The following ABCB1 variants were observed in gnomAD, a reference collection of about 807,000 sequenced individuals.
ABCB1 encodes the protein ATP-dependent translocase ABCB1.
A neutral mutation model predicts 142.0 loss-of-function variants in ABCB1; 69 were observed. The ratio of observed to expected loss-of-function variants is 0.49; its 90% CI spans 0.40 to 0.59. The LOEUF is 0.59. Ranked by LOEUF, ABCB1 falls within the 20% of genes least tolerant of loss-of-function variation. The pLI is 0.00. For missense variants in ABCB1, 1,326 were observed against 1,554.7 expected (o/e 0.85, Z 2.47); for synonymous variants, 532 against 539.2 (o/e 0.99, Z 0.18).
intron 3 of ABCB1, among the ~76,000 whole-genome samples, chr7:87,585,989 G>GTATT (rs1475771275): frequency 1.3e-5 from 2 of 152,150 alleles, no homozygotes; most frequent in African/African-American, 4.8e-5. Flanking sequence ...ATATAATATG[G>GTATT]TATTTGTTGC....
intron 1 of ABCB1, among the ~76,000 whole-genome samples, chr7:87,708,590 T>G (rs974039036): frequency 3.3e-5 from 5 of 152,172 alleles, no homozygotes; most frequent in African/African-American, 1.2e-4. Context: ...ATAAGAGTTG[T>G]CTGTCAGATA....
At chr7:87,696,989 T>A (rs931690229) in intron 1 of ABCB1, among the ~76,000 whole-genome samples, 1 of 152,224 alleles carries the variant, frequency 6.6e-6, no homozygotes, top group African/African-American at 2.4e-5. Context: ...CAGGGCTTTT[T>A]AAATACTCTT....
intron 1 of ABCB1, among the ~76,000 whole-genome samples, chr7:87,703,915 T>TTTTTTTTTTTTTTTTTTTTTTTTTTTTTG (rs1563147558): frequency 2.7e-4 from 5 of 18,526 alleles, no homozygotes; most frequent in Admixed American, 6.7e-4. Flanking sequence ...TTTTTTTTGG[T>TTTTTTTTTTTTTTTTTTTTTTTTTTTTTG]TTTTTTTTTT....
At chr7:87,539,190 G>C in intron 19 of ABCB1, 78 bp downstream of exon 19, 1 of 1,451,484 alleles carries the variant, frequency 6.9e-7, no homozygotes, top group Non-Finnish European at 9.6e-7. Flanking sequence ...AAACATGACA[G>C]AGCTCCCACT....
chr7:87,509,540 T>A lies in ABCB1; in HGVS notation c.3283-59A>T, dbSNP rs1354353267. 9.2e-6 allele frequency: 14 copies of A among 1,527,658 alleles called. No homozygotes were observed. In the Admixed American group the frequency reaches 2.4e-4, roughly 26 times the overall value. 94.6% of individuals were successfully genotyped at this position (1,527,658 alleles called of 1,614,324 possible). On this transcript the variant is annotated intron_variant, in intron 25 of 27. Coordinates refer to ENST00000622132, the MANE Select transcript of ABCB1 (RefSeq NM_001348946.2). The stretch of plus-strand genomic sequence containing the variant: ...CCAGCACACTTTGAATGTAGCACAA[T>A]TAACATCATTATTTCTTACACTGAA...
intron 1 of ABCB1, among the ~76,000 whole-genome samples, chr7:87,667,989 G>A (rs1209851705): frequency 1.3e-5 from 2 of 152,008 alleles, no homozygotes; most frequent in African/African-American, 4.8e-5. Context: ...TTAAGATGAT[G>A]TTGGCCTTAG....
intron 1 of ABCB1, chr7:87,700,381 T>A: frequency 6.6e-7 from 1 of 1,518,358 alleles, no homozygotes; most frequent in Non-Finnish European, 8.9e-7. Context: ...TAGTTTTATT[T>A]TACTTTTTAA....
At chr7:87,588,591 A>T (rs1277613653) in intron 3 of ABCB1, among the ~76,000 whole-genome samples, 1 of 152,212 alleles carries the variant, frequency 6.6e-6, no homozygotes, top group Admixed American at 6.5e-5. Flanking sequence ...ATTGATGGCC[A>T]TTTAGGTTGA....
intron 1 of ABCB1, among the ~76,000 whole-genome samples, chr7:87,613,253 A>C (rs1049850467): frequency 8.2e-5 from 6 of 72,790 alleles, no homozygotes; most frequent in South Asian, 4.5e-4. Context: ...AATGTCCTTT[A>C]TTTCTTTTTT....
At chr7:87,657,707 A>T (rs924048511) in intron 1 of ABCB1, among the ~76,000 whole-genome samples, 1 of 152,058 alleles carries the variant, frequency 6.6e-6, no homozygotes, top group African/African-American at 2.4e-5. Flanking sequence ...CCTGTTAGAG[A>T]GTTATGTCTT....
intron 1 of ABCB1, among the ~76,000 whole-genome samples, chr7:87,700,188 A>G (rs1828897047): frequency 6.6e-6 from 1 of 152,108 alleles, no homozygotes; most frequent in East Asian, 1.9e-4. Flanking sequence ...TTTTATTGTT[A>G]AGACTATGAT....
intron 1 of ABCB1, among the ~76,000 whole-genome samples, chr7:87,620,617 C>T (rs1468610844): frequency 6.6e-6 from 1 of 152,048 alleles, no homozygotes; most frequent in Non-Finnish European, 1.5e-5. Flanking sequence ...AAGAGATTTA[C>T]GTGTTGTTCC....
chr7:87,505,939 A>C lies in ABCB1; in HGVS notation c.3594T>G (p.Leu1198=). 8.1e-6 allele frequency: 13 copies of C among 1,614,064 alleles called. No homozygotes were observed. The highest frequency in any genetic ancestry group is 1.7e-5 in the Admixed American group (1 of 60,006). ...RALVRQPHIL[L]LDEATSALDT... is the part of the protein sequence containing the mutation. The stretch of plus-strand genomic sequence containing the variant: ...CCAGAGCTGACGTGGCTTCATCCAA[A>C]AGCAAAATATGAGGCTGTCTAACAA... The change falls in exon 27 of 28, where the codon CTT becomes CTG. Residue 1198 remains leucine, a synonymous_variant. Transcript: ENST00000622132.
At chr7:87,620,536 A>G (rs1016095935) in intron 1 of ABCB1, among the ~76,000 whole-genome samples, 4 of 152,192 alleles carry the variant, frequency 2.6e-5, no homozygotes, top group Non-Finnish European at 5.9e-5. Context: ...TGCATGAGAT[A>G]ATTTACAGAA....
At chr7:87,629,688 G>A (rs1821002524) in intron 1 of ABCB1, among the ~76,000 whole-genome samples, 1 of 152,240 alleles carries the variant, frequency 6.6e-6, no homozygotes, top group Non-Finnish European at 1.5e-5. Flanking sequence ...AGCACTTTGG[G>A]AGGCTGAGGC....
chr7:87,632,776 G>T (rs1190650004), intron 1 of ABCB1, among the ~76,000 whole-genome samples: 1 of 152,128 alleles, frequency 6.6e-6, no homozygotes, highest in African/African-American at 2.4e-5. Flanking sequence ...TGGTGGCAGA[G>T]TATTAAAATC....
At chr7:87,703,574 C>A (rs2130708657) in intron 1 of ABCB1, among the ~76,000 whole-genome samples, 1 of 152,294 alleles carries the variant, frequency 6.6e-6, no homozygotes, top group African/African-American at 2.4e-5. Flanking sequence ...GCTTCAATAT[C>A]TTTCAACTCT....
rs538856353 is a variant in ABCB1, at chr7:87,711,619, T to C, written c.-331+1542A>G. On this transcript the variant is annotated intron_variant, in intron 1 of 28. Coordinates refer to the ABCB1 transcript ENST00000265724. ...AAATGAAAAGATTTAATAATTTTAA[T>C]AACTTAGACATAAACTGTTTAATGT... Among the ~76,000 whole-genome samples the C allele has an allele frequency of 5.3e-5, 8 of 152,274 alleles. No individual in the cohort carries two copies. In the South Asian group the frequency reaches 1.5e-3, roughly 28 times the overall value.
intron 1 of ABCB1, among the ~76,000 whole-genome samples, chr7:87,646,052 G>A (rs1322446510): frequency 1.3e-5 from 2 of 152,172 alleles, no homozygotes; most frequent in African/African-American, 4.8e-5. Context: ...CTAAGGATAT[G>A]CTTTGGGATA....
Sources: allele counts gnomAD v4.1 joint callset (sites outside exome capture counted in the v4.1 genomes callset), GRCh38; gene constraint gnomAD v4.1.1; transcripts MANE v1.5; gene names NCBI Gene and HGNC (gene_info 2026-07-23, HGNC 2026-07-21).